Variants in LRP1B observed in about 807,000 individuals in gnomAD.
LRP1B encodes the protein LDL receptor related protein 1B.
In LRP1B, 217 loss-of-function variants were observed where a neutral mutation model predicts 556.6. The observed-to-expected ratio is 0.39, with a 90% confidence interval of 0.35 to 0.44. The LOEUF (loss-of-function observed/expected upper bound fraction) is 0.44. Among genes scored for constraint, LRP1B ranks in the 20% least tolerant of loss-of-function variants. The probability of loss-of-function intolerance (pLI) is 1.00; values close to 1 mark genes in which losing one functional copy is unlikely to be tolerated. For synonymous variants in LRP1B, 2,047 were observed against 1,865.8 expected (o/e 1.10, Z -2.50); for missense variants, 5,053 against 5,620.8 (o/e 0.90, Z 3.23).
intron 78 of LRP1B, among the ~76,000 whole-genome samples, chr2:140,335,182 G>T (rs2105084959): frequency 7.5e-6 from 1 of 132,518 alleles, no homozygotes; most frequent in South Asian, 2.3e-4. Context: ...ATTTGTGTGT[G>T]TGTGTGCATG....
intron 1 of LRP1B, among the ~76,000 whole-genome samples, chr2:141,850,261 A>ATT (rs1282702869): frequency 5.9e-5 from 9 of 151,822 alleles, no homozygotes; most frequent in Admixed American, 5.9e-4. Flanking sequence ...AATAAAAAGA[A>ATT]TTTAAAATAG....
chr2:141,721,975 T>C (rs1692833125), intron 2 of LRP1B, among the ~76,000 whole-genome samples: 2 of 152,168 alleles, frequency 1.3e-5, no homozygotes, highest in African/African-American at 4.8e-5. Context: ...TTTACTTGCA[T>C]TTAAAAATAG....
At chr2:140,989,342 G>C (rs1349206206) in intron 17 of LRP1B, among the ~76,000 whole-genome samples, 190 bp downstream of exon 17, 1 of 152,104 alleles carries the variant, frequency 6.6e-6, no homozygotes, top group Non-Finnish European at 1.5e-5. Flanking sequence ...AAGCAGAGTA[G>C]TGTCCAAAGA....
At chr2:140,963,414 CGT>C (rs141850717) in intron 18 of LRP1B, among the ~76,000 whole-genome samples, 4 of 150,928 alleles carry the variant, frequency 2.7e-5, no homozygotes, top group Non-Finnish European at 3.0e-5. Context: ...CTGATTTTTA[CGT>C]GTGTGTGTGT....
At chr2:141,035,072 T>C (rs535072220) in intron 11 of LRP1B, among the ~76,000 whole-genome samples, 12 of 151,938 alleles carry the variant, frequency 7.9e-5, no homozygotes, top group African/African-American at 2.7e-4. Flanking sequence ...ATGGATGAAA[T>C]TGGAAATCAT....
intron 18 of LRP1B, among the ~76,000 whole-genome samples, chr2:140,969,710 T>A (rs190893599): frequency 8.2e-4 from 125 of 152,274 alleles, no homozygotes; most frequent in African/African-American, 2.9e-3. Flanking sequence ...GCTCTTGTAG[T>A]GCGGGCCTAG....
At chr2:141,021,169 A>G (rs73962108) in intron 11 of LRP1B, among the ~76,000 whole-genome samples, 1 of 152,018 alleles carries the variant, frequency 6.6e-6, no homozygotes, top group Non-Finnish European at 1.5e-5. Flanking sequence ...GGAGCTCTGT[A>G]TTCACACACT....
In LRP1B at chr2:140,598,839, A is replaced by C. The variant is rs745748072; in HGVS notation, c.6990-4T>G. The C allele has an allele frequency of 6.4e-6, 10 of 1,561,848 alleles. No individual in the cohort carries two copies. The highest frequency in any genetic ancestry group is 7.9e-6 in the Non-Finnish European group (9 of 1,134,308). The stretch of plus-strand genomic sequence containing the variant: ...CCAGTTGGTCCAAAACATTAAACTA[A>C]TTAAAATGAAAATTGTAACTATAAA... On this transcript the variant is annotated splice_polypyrimidine_tract_variant and splice_region_variant and intron_variant, in intron 42 of 90. Coordinates refer to ENST00000389484, the MANE Select transcript of LRP1B (RefSeq NM_018557.3).
chr2:140,523,829 G>T (rs1057361827), intron 49 of LRP1B, among the ~76,000 whole-genome samples: 1 of 151,838 alleles, frequency 6.6e-6, no homozygotes, highest in Non-Finnish European at 1.5e-5. Flanking sequence ...AGTCAAAGAA[G>T]TTTGAAGACT....
Position 140,491,751 on chromosome 2 carries a change from G to GT in LRP1B, c.9120+856dup, listed in dbSNP as rs112824558. ...TTATATTTTGATTAAATTTTTGTTAGTTTTTTATAAACAACATAACAATAT... is the reference window on the plus strand; with the variant it reads ...TTATATTTTGATTAAATTTTTGTTAGTTTTTTTATAAACAACATAACAATAT... On this transcript the variant is annotated intron_variant, in intron 57 of 90. Transcript: ENST00000389484. 6.9e-3 allele frequency among the ~76,000 whole-genome samples: 1,056 copies of GT among 151,952 alleles called. 14 individuals are homozygous for GT. Among genetic ancestry groups the GT allele is most frequent in the African/African-American group, 0.024 (997 of 41,462 alleles).
intron 31 of LRP1B, among the ~76,000 whole-genome samples, chr2:140,815,684 G>C (rs1470092253): frequency 6.6e-6 from 1 of 151,824 alleles, no homozygotes; most frequent in African/African-American, 2.4e-5. Context: ...TATTTAGGAT[G>C]GTTTACTTTT....
intron 2 of LRP1B, among the ~76,000 whole-genome samples, chr2:141,644,668 G>A (rs183401265): frequency 7.8e-4 from 118 of 150,570 alleles, no homozygotes; most frequent in African/African-American, 2.9e-3. Flanking sequence ...CATAGAAAAG[G>A]CATTGCTTCC....
intron 1 of LRP1B, among the ~76,000 whole-genome samples, chr2:142,006,106 A>C (rs780940883): frequency 6.6e-6 from 1 of 152,144 alleles, no homozygotes; most frequent in Non-Finnish European, 1.5e-5. Context: ...CTAAATACTA[A>C]CATCAACAAT....
intron 2 of LRP1B, among the ~76,000 whole-genome samples, chr2:141,579,724 C>CCT (rs562008181): frequency 9.9e-6 from 1 of 101,002 alleles, no homozygotes; most frequent in Non-Finnish European, 1.8e-5. Context: ...TCAGGTTTCA[C>CCT]TTTTTTTTTT....
chr2:141,574,000 G>A (rs1349606155), intron 2 of LRP1B, among the ~76,000 whole-genome samples: 1 of 152,068 alleles, frequency 6.6e-6, no homozygotes, highest in African/African-American at 2.4e-5. Flanking sequence ...AGTTACAGCT[G>A]AATTCTACCA....
intron 2 of LRP1B, among the ~76,000 whole-genome samples, chr2:141,718,935 A>T (rs1207595767): frequency 6.6e-6 from 1 of 151,850 alleles, no homozygotes; most frequent in Non-Finnish European, 1.5e-5. Context: ...AAATATTTCT[A>T]TTATAATGAA....
At chr2:140,710,976 T>C (rs1013473603) in intron 37 of LRP1B, among the ~76,000 whole-genome samples, 2 of 152,026 alleles carry the variant, frequency 1.3e-5, no homozygotes, top group Non-Finnish European at 2.9e-5. Context: ...TGAGCCTATC[T>C]GAAAGCAAAA....
chr2:140,333,510 T>C (rs955202972), intron 79 of LRP1B, among the ~76,000 whole-genome samples: 1 of 152,024 alleles, frequency 6.6e-6, no homozygotes, highest in Non-Finnish European at 1.5e-5. Context: ...AAATTTCAAA[T>C]ATTGCTTCTC....
intron 7 of LRP1B, among the ~76,000 whole-genome samples, chr2:141,113,522 T>C (rs1418272940): frequency 6.6e-6 from 1 of 152,198 alleles, no homozygotes; most frequent in African/African-American, 2.4e-5. Context: ...TGCTTAGTTT[T>C]AATGGTCTAG....
Sources: allele counts gnomAD v4.1 joint callset (sites outside exome capture counted in the v4.1 genomes callset), GRCh38; gene constraint gnomAD v4.1.1; transcripts MANE v1.5; gene names NCBI Gene and HGNC (gene_info 2026-07-23, HGNC 2026-07-21).